MAP4: variants seen among roughly 807,000 people sequenced by gnomAD.
The protein encoded by MAP4 is microtubule associated protein 4.
A neutral mutation model predicts 170.2 loss-of-function variants in MAP4; 76 were observed. The observed-to-expected ratio is 0.45, with a 90% confidence interval of 0.37 to 0.54. The LOEUF is 0.54. MAP4 is among the 20% of genes least tolerant of loss of function. The probability of loss-of-function intolerance (pLI) is 0.00; values close to 1 mark genes in which losing one functional copy is unlikely to be tolerated. For missense variants in MAP4, 2,506 were observed against 2,748.0 expected, an observed-to-expected ratio of 0.91 and a Z score of 1.97; for synonymous variants, 909 against 994.5, an observed-to-expected ratio of 0.91 and a Z score of 1.62.
At chr3:48,046,178 T>C (rs2100124502) in intron 1 of MAP4, among the ~76,000 whole-genome samples, 1 of 152,144 alleles carries the variant, frequency 6.6e-6, no homozygotes, top group Non-Finnish European at 1.5e-5. Flanking sequence ...CTTTTTGGTT[T>C]TTTCCTGAAC....
intron 3 of MAP4, among the ~76,000 whole-genome samples, chr3:47,972,349 TTAGGA>T (rs1185891859): frequency 6.6e-6 from 1 of 152,204 alleles, no homozygotes; most frequent in Non-Finnish European, 1.5e-5. Flanking sequence ...AGGAGGCACT[TTAGGA>T]AGACTTTGAA....
chr3:47,976,133 A>C (rs1456993194), intron 3 of MAP4, among the ~76,000 whole-genome samples: 1 of 152,176 alleles, frequency 6.6e-6, no homozygotes, highest in African/African-American at 2.4e-5. Flanking sequence ...TTCAAAACTC[A>C]ATCCAGGTGT....
At chr3:47,930,402 G>A (rs1263258057) in intron 3 of MAP4, among the ~76,000 whole-genome samples, 5 of 149,556 alleles carry the variant, frequency 3.3e-5, no homozygotes, top group Admixed American at 6.7e-5. Flanking sequence ...CCGAGATTGC[G>A]CCACTGCAGT....
chr3:47,986,379 C>T (rs373559243), intron 2 of MAP4, among the ~76,000 whole-genome samples: 2 of 151,822 alleles, frequency 1.3e-5, no homozygotes, highest in African/African-American at 2.4e-5. Flanking sequence ...GTCACTCTGT[C>T]GCCCAGGCTG....
At chr3:48,014,503 G>T (rs2154446661) in intron 1 of MAP4, among the ~76,000 whole-genome samples, 1 of 152,140 alleles carries the variant, frequency 6.6e-6, no homozygotes, top group East Asian at 1.9e-4. Context: ...ACAAAAACAT[G>T]TAAAAATTAG....
chr3:47,868,985 A>C (rs2085777273), intron 16 of MAP4, among the ~76,000 whole-genome samples: 1 of 152,206 alleles, frequency 6.6e-6, no homozygotes, highest in South Asian at 2.1e-4. Flanking sequence ...AATTATACAC[A>C]TATGTATTCT....
chr3:48,078,491 T>C (rs1246589533), intron 1 of MAP4, among the ~76,000 whole-genome samples: 2 of 151,924 alleles, frequency 1.3e-5, no homozygotes, highest in African/African-American at 2.4e-5. Context: ...AGTTTTACGA[T>C]ATGTGAATTA....
intron 3 of MAP4, chr3:47,974,441 A>C: frequency 2.0e-6 from 2 of 979,852 alleles, no homozygotes; most frequent in Non-Finnish European, 2.4e-6. Context: ...AAAACAATGT[A>C]TATCTCAAAA....
chr3:48,071,840 G>T lies in MAP4; in HGVS notation c.-20+16933C>A, dbSNP rs545796210. 3.9e-5 allele frequency among the ~76,000 whole-genome samples: 6 copies of T among 152,064 alleles called. No individual in the cohort carries two copies. In the South Asian group the frequency reaches 1.3e-3, roughly 32 times the overall value. ...AATTGCTTGAACCCAGGAGGCAGAG[G>T]TTGCAGCGAGCCAAGATCGCGCCAC... On this transcript the variant is annotated intron_variant, in intron 1 of 18. Coordinates refer to the MAP4 transcript ENST00000360240.
chr3:48,044,808 G>A (rs186203817), intron 1 of MAP4, among the ~76,000 whole-genome samples: 2 of 152,020 alleles, frequency 1.3e-5, no homozygotes, highest in East Asian at 1.9e-4. Context: ...TATTACCCAG[G>A]GGTGGTGGTG....
At chr3:48,006,588 T>C (rs1341565796) in intron 1 of MAP4, among the ~76,000 whole-genome samples, 1 of 152,166 alleles carries the variant, frequency 6.6e-6, no homozygotes, top group African/African-American at 2.4e-5. Context: ...GGTTGAGGGC[T>C]ATCATGGTGG....
chr3:47,885,501 C>G (rs1009201850), intron 10 of MAP4, among the ~76,000 whole-genome samples: 3 of 152,164 alleles, frequency 2.0e-5, no homozygotes, highest in Non-Finnish European at 4.4e-5. Flanking sequence ...ATGGAATTAT[C>G]TTCAATTATT....
At chr3:48,078,664 T>G (rs2154569119) in intron 1 of MAP4, among the ~76,000 whole-genome samples, 1 of 152,142 alleles carries the variant, frequency 6.6e-6, no homozygotes, top group Non-Finnish European at 1.5e-5. Flanking sequence ...TCCCCCACTT[T>G]CTCTGCTCCC....
chr3:47,910,136 A>G lies in MAP4; in HGVS notation c.4285T>C (p.Ser1429Pro). 1 of 1,613,900 alleles carries G rather than the reference A, an allele frequency of 6.2e-7. No homozygotes were observed. The highest frequency in any genetic ancestry group is 8.5e-7 in the Non-Finnish European group (1 of 1,179,874). ...PRTPSELINK[S>P]SPLEVLESAA... ...GATTCCAGAACCTCTAGAGGAGATG[A>G]TTTATTTATCAGCTCTGATGGTGTT... Residue 1429 changes from serine (S) to proline (P), a missense_variant, in exon 9 of 21, where the codon TCA (serine) becomes CCA (proline). Ser to Pro is a moderately conservative substitution (Grantham distance 74). Around this residue, in one of 3 missense-constraint regions of MAP4, gnomAD observed 2,008 missense variants for 2,206.0 expected, o/e 0.91. Transcript: ENST00000683076.
At chr3:48,042,292 T>C (rs148991397) in intron 1 of MAP4, among the ~76,000 whole-genome samples, 1 of 152,296 alleles carries the variant, frequency 6.6e-6, no homozygotes, top group African/African-American at 2.4e-5. Context: ...GCTGCAGAAA[T>C]GACTGCTTGC....
chr3:47,947,756 A>G (rs1445123850), intron 3 of MAP4, among the ~76,000 whole-genome samples: 1 of 149,732 alleles, frequency 6.7e-6, no homozygotes, highest in Non-Finnish European at 1.5e-5. Flanking sequence ...GGTTGCAGTG[A>G]GCCAAGATCG....
At chr3:47,966,360 C>G (rs2100075033) in intron 3 of MAP4, among the ~76,000 whole-genome samples, 1 of 148,762 alleles carries the variant, frequency 6.7e-6, no homozygotes, top group African/African-American at 2.5e-5. Flanking sequence ...CATTCTCCTG[C>G]CTCAGCCTCC....
chr3:47,919,411 C>T (rs2100041546), intron 5 of MAP4, among the ~76,000 whole-genome samples: 3 of 152,020 alleles, frequency 2.0e-5, no homozygotes, highest in South Asian at 4.1e-4. Flanking sequence ...AGGTTCACGC[C>T]ATTCTCCTGC....
intron 17 of MAP4, among the ~76,000 whole-genome samples, chr3:47,861,037 A>G (rs907492345): frequency 1.3e-5 from 2 of 152,178 alleles, no homozygotes; most frequent in African/African-American, 4.8e-5. Flanking sequence ...CAGCCTGGCC[A>G]ACACAGTGAG....
Sources: gnomAD v4.1 joint callset for allele counts (sites outside exome capture counted in the v4.1 genomes callset) on GRCh38, gnomAD v4.1.1 for gene constraint, gnomAD v4.1.1 regional missense constraint, MANE v1.5 for transcripts, NCBI Gene and HGNC (gene_info 2026-07-23, HGNC 2026-07-21) for gene names.